FILIP1L: variants seen among roughly 807,000 people sequenced by gnomAD.
FILIP1L encodes filamin A interacting protein 1 like.
Under a neutral mutation model 96.6 loss-of-function variants are expected in FILIP1L, and 55 were observed. The ratio of observed to expected loss-of-function variants is 0.57; its 90% CI spans 0.46 to 0.71. The LOEUF is 0.71. Among genes scored for constraint, FILIP1L ranks in the 30% least tolerant of loss-of-function variants. The probability of loss-of-function intolerance (pLI) is 0.00; values close to 1 mark genes in which losing one functional copy is unlikely to be tolerated. For missense variants in FILIP1L, 1,304 were observed against 1,321.2 expected, an observed-to-expected ratio of 0.99 and a Z score of 0.20; for synonymous variants, 467 against 473.9, an observed-to-expected ratio of 0.99 and a Z score of 0.19.
At chr3:100,068,769 A>AG (rs2065711339) in intron 1 of FILIP1L, among the ~76,000 whole-genome samples, 1 of 152,162 alleles carries the variant, frequency 6.6e-6, no homozygotes, top group South Asian at 2.1e-4. Context: ...CTGGGAATAC[A>AG]GGCGCCCACC....
At chr3:99,875,123 C>T (rs77140514) in intron 4 of FILIP1L, among the ~76,000 whole-genome samples, 3 of 152,202 alleles carry the variant, frequency 2.0e-5, no homozygotes, top group Non-Finnish European at 4.4e-5. Flanking sequence ...TTTTTCATCT[C>T]CTATTCCAGT....
intron 1 of FILIP1L, among the ~76,000 whole-genome samples, chr3:99,983,962 G>T (rs1559714009): frequency 6.6e-6 from 1 of 151,532 alleles, no homozygotes; most frequent in Admixed American, 6.6e-5. Context: ...ATATAAATCA[G>T]TTACCTAACA....
chr3:100,090,707 G>C (rs1432025621), intron 1 of FILIP1L, among the ~76,000 whole-genome samples: 1 of 152,046 alleles, frequency 6.6e-6, no homozygotes, highest in Non-Finnish European at 1.5e-5. Context: ...ATTTAATTAG[G>C]ACACCCAAAT....
intron 1 of FILIP1L, among the ~76,000 whole-genome samples, chr3:100,113,250 G>C (rs1282150829): frequency 6.6e-6 from 1 of 152,192 alleles, no homozygotes; most frequent in Non-Finnish European, 1.5e-5. Context: ...ACAAAACTGT[G>C]CAGCCACCCT....
chr3:99,903,867 C>T (rs1288949229), intron 4 of FILIP1L, among the ~76,000 whole-genome samples: 3 of 152,180 alleles, frequency 2.0e-5, no homozygotes, highest in Non-Finnish European at 4.4e-5. Flanking sequence ...ATAGAGCTGT[C>T]GTCCCCTGCT....
chr3:99,917,191 G>A (rs1706980511), intron 4 of FILIP1L, among the ~76,000 whole-genome samples: 1 of 152,124 alleles, frequency 6.6e-6, no homozygotes, highest in Non-Finnish European at 1.5e-5. Context: ...GGGCTGTGCT[G>A]GCTGTTGGAT....
intron 5 of FILIP1L, among the ~76,000 whole-genome samples, chr3:99,839,135 C>A (rs1210459139): frequency 6.6e-6 from 1 of 152,150 alleles, no homozygotes; most frequent in East Asian, 1.9e-4. Flanking sequence ...CTGCTCAATT[C>A]TCATCTGTTT....
chr3:99,836,636 G>A (rs1354221376), intron 5 of FILIP1L, among the ~76,000 whole-genome samples: 2 of 152,134 alleles, frequency 1.3e-5, no homozygotes, highest in Non-Finnish European at 1.5e-5. Context: ...ACCCTACCAT[G>A]TGCCCACATC....
At chr3:99,836,671 A>G (rs1018107501) in intron 5 of FILIP1L, among the ~76,000 whole-genome samples, 4 of 152,194 alleles carry the variant, frequency 2.6e-5, no homozygotes, top group Admixed American at 2.0e-4. Flanking sequence ...ACTCTATCTT[A>G]ATGATAAGAA....
chr3:99,992,002 A>G (rs960053730), intron 1 of FILIP1L, among the ~76,000 whole-genome samples: 7 of 149,716 alleles, frequency 4.7e-5, no homozygotes, highest in Admixed American at 2.0e-4. Context: ...ACGTATATAT[A>G]TGTGTGTGTG....
At chr3:99,880,666 T>G (rs549838042) in intron 4 of FILIP1L, among the ~76,000 whole-genome samples, 8 of 152,072 alleles carry the variant, frequency 5.3e-5, no homozygotes, top group Non-Finnish European at 1.2e-4. Flanking sequence ...ATTTAAAATT[T>G]TTTTGTTTTA....
At chr3:100,076,299 C>G (rs1220329897) in intron 1 of FILIP1L, among the ~76,000 whole-genome samples, 1 of 152,172 alleles carries the variant, frequency 6.6e-6, no homozygotes, top group Non-Finnish European at 1.5e-5. Flanking sequence ...CTAAAGGCCT[C>G]TCAGATGCTT....
rs4062235 is a variant in FILIP1L at position 100,067,166 on chromosome 3, CGTTTGTTTGTTT to C, written c.-11+46875_-11+46886del. On this transcript the variant is annotated intron_variant, in intron 1 of 5. Coordinates refer to ENST00000477258, the MANE Select transcript of FILIP1L (RefSeq NM_001387850.1). ...GAAGCCCTGGCTATGTTTTTGATCTCGTTTGTTTGTTTGTTTGTTTGTTTGTTTGTTTTAAAT... is the reference window on the plus strand; with the variant it reads ...GAAGCCCTGGCTATGTTTTTGATCTCGTTTGTTTGTTTGTTTGTTTTAAAT... 4.7e-3 allele frequency among the ~76,000 whole-genome samples: 717 copies of C among 150,982 alleles called. 4 individuals are homozygous for C. Among genetic ancestry groups the C allele is most frequent in the South Asian group, 0.011 (52 of 4,754 alleles).
At chr3:100,017,804 A>G (rs149029149) in intron 1 of FILIP1L, among the ~76,000 whole-genome samples, 1 of 152,290 alleles carries the variant, frequency 6.6e-6, no homozygotes, top group Admixed American at 6.5e-5. Flanking sequence ...TCCGACCTTC[A>G]GTGCTCCTGG....
intron 1 of FILIP1L, among the ~76,000 whole-genome samples, chr3:100,035,497 T>G (rs1219899180): frequency 2.0e-5 from 3 of 152,164 alleles, no homozygotes; most frequent in Non-Finnish European, 4.4e-5. Flanking sequence ...GGTCTCGAAC[T>G]CCTGATCCAC....
At chr3:99,978,355 T>C (rs994753094) in intron 1 of FILIP1L, among the ~76,000 whole-genome samples, 2 of 152,166 alleles carry the variant, frequency 1.3e-5, no homozygotes, top group Non-Finnish European at 2.9e-5. Context: ...GCAGCACTAT[T>C]CACAATAGCC....
chr3:99,920,558 G>A (rs1379342030), intron 4 of FILIP1L, among the ~76,000 whole-genome samples: 1 of 152,188 alleles, frequency 6.6e-6, no homozygotes. Context: ...CATGAAACAT[G>A]GATAGAATAT....
At chr3:100,042,026 C>T (rs2107293495) in intron 1 of FILIP1L, among the ~76,000 whole-genome samples, 1 of 152,216 alleles carries the variant, frequency 6.6e-6, no homozygotes, top group East Asian at 1.9e-4. Context: ...TCATATATGC[C>T]CCCTTCTGCT....
At chr3:100,055,530 A>G (rs560223112) in intron 1 of FILIP1L, among the ~76,000 whole-genome samples, 82 of 152,376 alleles carry the variant, frequency 5.4e-4, no homozygotes, top group African/African-American at 1.9e-3. Context: ...TTTAGAGTTT[A>G]TAAGAGTAGC....
Sources: gnomAD v4.1 joint callset for allele counts (sites outside exome capture counted in the v4.1 genomes callset) on GRCh38, gnomAD v4.1.1 for gene constraint, MANE v1.5 for transcripts, NCBI Gene and HGNC (gene_info 2026-07-23, HGNC 2026-07-21) for gene names.